The following ABI1 variants were observed in gnomAD, a reference collection of about 807,000 sequenced individuals.
ABI1 encodes Abelson interactor 1.
ABI1 carries 14 observed loss-of-function variants against 54.6 expected under a neutral mutation model. That is an observed-to-expected ratio of 0.26 (90% CI 0.17 to 0.40). The LOEUF (loss-of-function observed/expected upper bound fraction) is 0.40. ABI1 is among the 10% of genes least tolerant of loss of function. The probability of loss-of-function intolerance (pLI) is 1.00; values close to 1 mark genes in which losing one functional copy is unlikely to be tolerated. For missense variants in ABI1, 443 were observed against 598.3 expected (o/e 0.74, Z 2.71); for synonymous variants, 194 against 209.3 (o/e 0.93, Z 0.63).
At chr10:26,852,560 TATATG>T (rs2050484144) in intron 1 of ABI1, among the ~76,000 whole-genome samples, 1 of 152,222 alleles carries the variant, frequency 6.6e-6, no homozygotes, top group South Asian at 2.1e-4. Flanking sequence ...CATCTTTTTC[TATATG>T]ATATAATATA....
At chr10:26,784,648 G>A (rs1403457119) in intron 2 of ABI1, among the ~76,000 whole-genome samples, 2 of 152,236 alleles carry the variant, frequency 1.3e-5, no homozygotes, top group South Asian at 2.1e-4. Context: ...TTTGGAAGTC[G>A]GGCATTGCCT....
intron 2 of ABI1, chr10:26,790,488 T>G (rs1359326768): frequency 3.3e-5 from 5 of 151,248 alleles, no homozygotes; most frequent in Non-Finnish European, 7.4e-5. Flanking sequence ...AATGGGGTTG[T>G]TTTTTTTTCT....
chr10:26,854,400 T>C (rs1197182210), intron 1 of ABI1, among the ~76,000 whole-genome samples: 5 of 151,160 alleles, frequency 3.3e-5, no homozygotes, highest in African/African-American at 7.3e-5. Context: ...ATATGTGATA[T>C]GGACTTTCAT....
In ABI1 at chr10:26,763,949, C is replaced by A. The variant is rs1839569739; in HGVS notation, c.820+1269G>T. On this transcript the variant is annotated intron_variant, in intron 7 of 10. Transcript: ENST00000376140. ...GGTGGAGCTCCAGAAGGAGGAGGGA[C>A]AGAAATGTTTTCTAATAAAATAGTT... 3 of 1,611,116 alleles carry A rather than the reference C, an allele frequency of 1.9e-6. No homozygotes were observed. In the African/African-American group the frequency reaches 4.0e-5, roughly 22 times the overall value.
intron 1 of ABI1, among the ~76,000 whole-genome samples, chr10:26,838,757 A>C (rs1309002025): frequency 2.0e-5 from 3 of 152,266 alleles, no homozygotes; most frequent in Non-Finnish European, 4.4e-5. Context: ...AGACATCTTT[A>C]AGTGAAATAT....
intron 2 of ABI1, among the ~76,000 whole-genome samples, chr10:26,808,060 C>G (rs2046987184): frequency 6.6e-6 from 1 of 152,160 alleles, no homozygotes; most frequent in African/African-American, 2.4e-5. Context: ...CCATTGCACT[C>G]CAGCCTGGGC....
chr10:26,757,680 T>G (rs972719780), intron 8 of ABI1, among the ~76,000 whole-genome samples: 1 of 152,274 alleles, frequency 6.6e-6, no homozygotes, highest in South Asian at 2.1e-4. Flanking sequence ...CTATATAAAT[T>G]TTGGGATTAT....
chr10:26,820,233 G>C (rs2047880879), intron 2 of ABI1, among the ~76,000 whole-genome samples: 1 of 152,162 alleles, frequency 6.6e-6, no homozygotes, highest in Non-Finnish European at 1.5e-5. Context: ...AGATATGCTA[G>C]TCAGCTTGAT....
At chr10:26,771,178 C>G in intron 3 of ABI1, 89 bp from the exon 4 acceptor site, 2 of 1,396,922 alleles carry the variant, frequency 1.4e-6, no homozygotes, top group Non-Finnish European at 1.0e-6. Context: ...TTTACAGTTA[C>G]TCAATTCATG....
intron 2 of ABI1, among the ~76,000 whole-genome samples, chr10:26,779,510 C>G (rs1413905469): frequency 6.6e-6 from 1 of 152,122 alleles, no homozygotes; most frequent in African/African-American, 2.4e-5. Flanking sequence ...GGTTCTGTTT[C>G]CTTTGGACGA....
At chr10:26,797,195 A>T (rs1034876095) in intron 2 of ABI1, among the ~76,000 whole-genome samples, 5 of 152,248 alleles carry the variant, frequency 3.3e-5, no homozygotes, top group Non-Finnish European at 7.3e-5. Context: ...TAACAAGTAG[A>T]TTCTAAAACC....
Position 26,748,675 on chromosome 10 carries a change from A to G in ABI1, c.1341T>C (p.Tyr447=). The G allele has an allele frequency of 6.2e-7, 1 of 1,613,490 alleles. No individual in the cohort carries two copies. The highest frequency in any genetic ancestry group is 8.5e-7 in the Non-Finnish European group (1 of 1,179,684). The change falls in exon 11 of 11, where the codon TAT becomes TAC. Residue 447 remains tyrosine (Y), a synonymous_variant. Coordinates refer to ENST00000376140, the MANE Select transcript of ABI1 (RefSeq NM_001012750.3). ...AGCCATCATCATTCTTCTTTATAACATAAATGATTGCACCCTCCATAAATG... is the reference window on the plus strand; with the variant it reads ...AGCCATCATCATTCTTCTTTATAACGTAAATGATTGCACCCTCCATAAATG... ...ELSFMEGAII[Y]VIKKNDDGWY...
At chr10:26,769,645 G>A (rs536200097) in intron 5 of ABI1, among the ~76,000 whole-genome samples, 192 of 152,204 alleles carry the variant, frequency 1.3e-3, no homozygotes, top group African/African-American at 4.2e-3. Context: ...ACAAGTATTC[G>A]CTATATTTAG....
chr10:26,845,646 AAAT>A (rs1222174466), intron 1 of ABI1, among the ~76,000 whole-genome samples: 1 of 152,062 alleles, frequency 6.6e-6, no homozygotes, highest in Non-Finnish European at 1.5e-5. Flanking sequence ...TCTGTCTCAA[AAAT>A]AATAATAATA....
intron 1 of ABI1, among the ~76,000 whole-genome samples, chr10:26,828,631 A>G (rs1394449466): frequency 2.6e-5 from 4 of 152,242 alleles, no homozygotes; most frequent in Non-Finnish European, 5.9e-5. Flanking sequence ...CCTAAACCAG[A>G]GAGAAACCAC....
chr10:26,748,572 A>C lies in ABI1; in HGVS notation c.1444T>G (p.Ter482GluextTer6). 1 of 1,596,948 alleles carries C rather than the reference A, an allele frequency of 6.3e-7. No homozygotes were observed. Among genetic ancestry groups the C allele is most frequent in the Non-Finnish European group, 8.5e-7 (1 of 1,173,884 alleles). ...CTACTTCAAAAGAAAAAAAAAAATT[A>C]ATCAGTATAGTGCATGATTGATTCA... is the stretch of plus-strand genomic sequence containing the variant. ...YVESIMHYTD* is the reference protein window; with the variant it reads ...YVESIMHYTDE Residue 482 changes from the stop codon to glutamate (E), a stop_lost, in exon 11 of 11, where the codon TAA (stop) becomes GAA (glutamate). Transcript: ENST00000376140.
intron 8 of ABI1, among the ~76,000 whole-genome samples, chr10:26,758,626 C>G (rs1399938286): frequency 3.3e-5 from 5 of 152,232 alleles, no homozygotes; most frequent in African/African-American, 1.2e-4. Flanking sequence ...CGTTAATGAC[C>G]TTAAAAGTGA....
intron 2 of ABI1, among the ~76,000 whole-genome samples, chr10:26,811,274 C>T (rs546948703): frequency 6.6e-6 from 1 of 152,212 alleles, no homozygotes; most frequent in South Asian, 2.1e-4. Flanking sequence ...CTTTGTCACT[C>T]TAGCCCCCAA....
At chr10:26,790,809 C>A (rs1368135557) in intron 2 of ABI1, among the ~76,000 whole-genome samples, 4 of 152,116 alleles carry the variant, frequency 2.6e-5, no homozygotes, top group African/African-American at 9.7e-5. Flanking sequence ...TGACTCACAC[C>A]TATAATCCCA....
Sources: gnomAD v4.1 joint callset for allele counts (sites outside exome capture counted in the v4.1 genomes callset) on GRCh38, gnomAD v4.1.1 for gene constraint, MANE v1.5 for transcripts, NCBI Gene and HGNC (gene_info 2026-07-23, HGNC 2026-07-21) for gene names.